The following HPSE2 variants were observed in gnomAD, a reference collection of about 807,000 sequenced individuals.
The protein encoded by HPSE2 is heparanase 2 (inactive), also known as inactive heparanase-2.
HPSE2 carries 38 observed loss-of-function variants against 60.5 expected under a neutral mutation model. The observed-to-expected ratio is 0.63, with a 90% confidence interval of 0.48 to 0.82. HPSE2 has a LOEUF of 0.82. HPSE2 is among the 40% of genes least tolerant of loss of function. The pLI is 0.00. For missense variants in HPSE2, 713 were observed against 740.4 expected (o/e 0.96, Z 0.43); for synonymous variants, 295 against 293.2 (o/e 1.01, Z -0.06).
rs148570779 is a variant in HPSE2, at chr10:99,135,497, T to C, written c.610+8741A>G. The stretch of plus-strand genomic sequence containing the variant: ...AGCAGATGCAAAAGAACAGAAATCA[T>C]AACAAACAGTCTCTCAGACCACAGT... On this transcript the variant is annotated intron_variant, in intron 3 of 11. Coordinates refer to ENST00000370552, the MANE Select transcript of HPSE2 (RefSeq NM_021828.5). Among the ~76,000 whole-genome samples the C allele has an allele frequency of 3.2e-3, 493 of 152,252 alleles. 6 individuals carry two copies. The highest frequency in any genetic ancestry group is 3.1e-3 in the South Asian group (15 of 4,812).
intron 9 of HPSE2, among the ~76,000 whole-genome samples, chr10:98,569,391 T>C (rs1944435323): frequency 6.6e-6 from 1 of 152,116 alleles, no homozygotes; most frequent in Admixed American, 6.5e-5. Flanking sequence ...AGCTTTACAT[T>C]CTTCTATCCT....
intron 1 of HPSE2, among the ~76,000 whole-genome samples, chr10:99,232,711 GC>G: frequency 6.6e-6 from 1 of 152,230 alleles, no homozygotes; most frequent in East Asian, 1.9e-4. Flanking sequence ...TGGGGGCTGT[GC>G]CTCCCGCTTC....
At chr10:99,140,984 C>T (rs1845847047) in intron 3 of HPSE2, among the ~76,000 whole-genome samples, 1 of 152,170 alleles carries the variant, frequency 6.6e-6, no homozygotes, top group Non-Finnish European at 1.5e-5. Flanking sequence ...TTGCAGTGAG[C>T]CGAGATTGTG....
chr10:99,115,389 C>T (rs1236166329), intron 3 of HPSE2, among the ~76,000 whole-genome samples: 1 of 151,992 alleles, frequency 6.6e-6, no homozygotes. Flanking sequence ...CTCCTGACCT[C>T]GTGATCCGCC....
chr10:98,967,262 C>G (rs61883738), intron 3 of HPSE2, among the ~76,000 whole-genome samples: 4 of 152,198 alleles, frequency 2.6e-5, no homozygotes, highest in African/African-American at 9.7e-5. Context: ...ACCTCAGCCA[C>G]GCCCCAAATG....
chr10:99,100,740 G>A (rs1843933763), intron 3 of HPSE2, among the ~76,000 whole-genome samples: 1 of 152,192 alleles, frequency 6.6e-6, no homozygotes, highest in Non-Finnish European at 1.5e-5. Context: ...GGCAGCCAGA[G>A]AGAAAGGTCG....
intron 3 of HPSE2, among the ~76,000 whole-genome samples, chr10:98,835,890 G>A (rs1951779493): frequency 6.6e-6 from 1 of 152,116 alleles, no homozygotes; most frequent in African/African-American, 2.4e-5. Flanking sequence ...CTGAGCTCCT[G>A]CACTAGACCC....
intron 3 of HPSE2, among the ~76,000 whole-genome samples, chr10:98,808,861 C>A (rs1951102014): frequency 6.6e-6 from 1 of 152,114 alleles, no homozygotes; most frequent in African/African-American, 2.4e-5. Context: ...AGCTACATAG[C>A]TCTGAAGTTC....
chr10:99,252,636 G>A, the HPSE2 span, among the ~76,000 whole-genome samples: 1 of 152,122 alleles, frequency 6.6e-6, no homozygotes, highest in African/African-American at 2.4e-5. Flanking sequence ...CAGCACTTTG[G>A]GAGGCTGAGG....
At chr10:98,678,267 A>C (rs1364529772) in intron 6 of HPSE2, among the ~76,000 whole-genome samples, 2 of 152,162 alleles carry the variant, frequency 1.3e-5, no homozygotes, top group East Asian at 3.8e-4. Context: ...TCCCCCATCC[A>C]CATGTCAGAG....
chr10:98,533,920 TTCAC>T (rs1943203859), intron 9 of HPSE2, among the ~76,000 whole-genome samples: 1 of 152,342 alleles, frequency 6.6e-6, no homozygotes, highest in Middle Eastern at 3.4e-3. Flanking sequence ...GTGAAACAGT[TTCAC>T]TCAGTCCTCA....
Position 98,983,033 on chromosome 10 carries a change from G to A in HPSE2, c.610+161205C>T, listed in dbSNP as rs576349696. ...ATTGTTCATATAATCAATATTTACTGGCTACTATTAAATGCCAGACAATGT... is the reference window on the plus strand; with the variant it reads ...ATTGTTCATATAATCAATATTTACTAGCTACTATTAAATGCCAGACAATGT... On this transcript the variant is annotated intron_variant, in intron 3 of 11. Coordinates refer to ENST00000370552, the MANE Select transcript of HPSE2 (RefSeq NM_021828.5). Among the ~76,000 whole-genome samples, 4 of 152,174 alleles carry A rather than the reference G, an allele frequency of 2.6e-5. No homozygotes were observed. The East Asian group carries it at 5.8e-4, about 22-fold the overall frequency.
intron 3 of HPSE2, among the ~76,000 whole-genome samples, chr10:98,849,431 A>G (rs187464195): frequency 1.3e-5 from 2 of 152,244 alleles, no homozygotes; most frequent in Admixed American, 1.3e-4. Context: ...TAAATAAGCC[A>G]AAGAGTAAGC....
At chr10:99,028,036 C>A (rs932959615) in intron 3 of HPSE2, among the ~76,000 whole-genome samples, 1 of 152,140 alleles carries the variant, frequency 6.6e-6, no homozygotes, top group Non-Finnish European at 1.5e-5. Context: ...AGACCCACAG[C>A]TAGTATCATA....
chr10:98,479,091 C>T (rs1450776202), intron 11 of HPSE2, among the ~76,000 whole-genome samples: 1 of 152,170 alleles, frequency 6.6e-6, no homozygotes, highest in East Asian at 1.9e-4. Flanking sequence ...TTCAAATCTT[C>T]CCAGGCCCAG....
chr10:98,795,708 G>A (rs1202934499), intron 3 of HPSE2, among the ~76,000 whole-genome samples: 1 of 152,230 alleles, frequency 6.6e-6, no homozygotes, highest in East Asian at 1.9e-4. Context: ...GGCTAAGGGA[G>A]TGCTTGTGCC....
At chr10:98,613,500 G>A (rs998146297) in intron 9 of HPSE2, among the ~76,000 whole-genome samples, 13 of 152,202 alleles carry the variant, frequency 8.5e-5, no homozygotes, top group African/African-American at 1.4e-4. Context: ...TAATTGAGAC[G>A]TGGAACTGGT....
intron 9 of HPSE2, among the ~76,000 whole-genome samples, chr10:98,528,793 A>G (rs1465152800): frequency 1.3e-5 from 2 of 152,242 alleles, no homozygotes; most frequent in Admixed American, 1.3e-4. Context: ...CAGCAGCCCC[A>G]AATGGGCTTT....
At chr10:98,735,527 C>T (rs867536694) in intron 4 of HPSE2, among the ~76,000 whole-genome samples, 27 of 151,844 alleles carry the variant, frequency 1.8e-4, no homozygotes, top group Middle Eastern at 3.4e-3. Flanking sequence ...AGGGCCACCA[C>T]CCTTTAGACC....
Sources: gnomAD v4.1 joint callset for allele counts (sites outside exome capture counted in the v4.1 genomes callset) on GRCh38, gnomAD v4.1.1 for gene constraint, MANE v1.5 for transcripts, NCBI Gene and HGNC (gene_info 2026-07-23, HGNC 2026-07-21) for gene names.